The following CALD1 variants were observed in gnomAD, a reference collection of about 807,000 sequenced individuals.
CALD1 encodes the protein caldesmon 1, also known as caldesmon.
A neutral mutation model predicts 99.9 loss-of-function variants in CALD1; 33 were observed. That is an observed-to-expected ratio of 0.33 (90% CI 0.25 to 0.44). The LOEUF is 0.44. Among genes scored for constraint, CALD1 ranks in the 20% least tolerant of loss-of-function variants. The pLI is 1.00. For missense variants in CALD1, 861 were observed against 962.1 expected (o/e 0.89, Z 1.39); for synonymous variants, 310 against 325.0 (o/e 0.95, Z 0.50).
intron 13 of CALD1, among the ~76,000 whole-genome samples, chr7:134,963,948 C>T: frequency 6.6e-6 from 1 of 152,208 alleles, no homozygotes; most frequent in East Asian, 1.9e-4. Context: ...CCTGTAATCC[C>T]AGCACTTTGA....
At chr7:134,855,441 G>A (rs1431082627) in intron 2 of CALD1, among the ~76,000 whole-genome samples, 3 of 152,194 alleles carry the variant, frequency 2.0e-5, no homozygotes. Context: ...TTTACAAGAG[G>A]TGCAATCCCA....
intron 2 of CALD1, among the ~76,000 whole-genome samples, chr7:134,854,307 GAACT>G (rs1294082961): frequency 6.6e-6 from 1 of 152,150 alleles, no homozygotes; most frequent in African/African-American, 2.4e-5. Context: ...CACAATGGTT[GAACT>G]AACTTACACT....
intron 12 of CALD1, 36 bp downstream of exon 12, chr7:134,960,147 G>C: frequency 6.2e-7 from 1 of 1,607,810 alleles, no homozygotes; most frequent in Non-Finnish European, 8.5e-7. Flanking sequence ...AGTGTAGAGG[G>C]GCATATTTTT....
the CALD1 span, among the ~76,000 whole-genome samples, chr7:134,736,740 C>G: frequency 6.6e-6 from 1 of 152,170 alleles, no homozygotes; most frequent in Non-Finnish European, 1.5e-5. Flanking sequence ...TATTCAGTTT[C>G]ACTATGCATC....
At chr7:134,777,476 G>A (rs1303084849), upstream of CALD1, among the ~76,000 whole-genome samples, 3 of 152,138 alleles carry the variant, frequency 2.0e-5, no homozygotes, top group Non-Finnish European at 4.4e-5. Flanking sequence ...CGTGTTTCCT[G>A]TTGATAATAT....
In CALD1 at chr7:134,799,727, C is replaced by A. The variant is rs186197657; in HGVS notation, c.-130+19978C>A. ...TGGTATATAAAGAGACCCTGCTTCACAACGTGAAAAAATGTACCGTTTGAC... is the reference window on the plus strand; with the variant it reads ...TGGTATATAAAGAGACCCTGCTTCAAAACGTGAAAAAATGTACCGTTTGAC... On this transcript the variant is annotated intron_variant, in intron 1 of 14. Transcript: ENST00000361675. 2.7e-4 allele frequency among the ~76,000 whole-genome samples: 41 copies of A among 152,238 alleles called. No individual in the cohort carries two copies. In the East Asian group the frequency reaches 6.0e-3, roughly 22 times the overall value.
intron 14 of CALD1, among the ~76,000 whole-genome samples, 172 bp from the exon 15 acceptor site, chr7:134,968,168 A>G (rs1455580670): frequency 6.6e-6 from 1 of 152,094 alleles, no homozygotes; most frequent in Non-Finnish European, 1.5e-5. Flanking sequence ...AAGTAAAATA[A>G]AAGATCATAT....
the CALD1 span, among the ~76,000 whole-genome samples, chr7:134,734,406 C>T: frequency 6.6e-6 from 1 of 152,098 alleles, no homozygotes; most frequent in Non-Finnish European, 1.5e-5. Flanking sequence ...TCACAGCATG[C>T]CATGTGAAGA....
intron 3 of CALD1, among the ~76,000 whole-genome samples, chr7:134,869,759 T>C (rs553222626): frequency 6.6e-6 from 1 of 152,308 alleles, no homozygotes; most frequent in South Asian, 2.1e-4. Context: ...GAGAAATTAT[T>C]ATTAGAGTAA....
chr7:134,884,101 T>TC (rs1474551777), intron 3 of CALD1, among the ~76,000 whole-genome samples: 1 of 108,432 alleles, frequency 9.2e-6, no homozygotes, highest in East Asian at 5.2e-4. Context: ...AAACTCTGTC[T>TC]CAAAAAAGAA....
chr7:134,881,547 A>G (rs1427034676), intron 3 of CALD1, among the ~76,000 whole-genome samples: 1 of 152,120 alleles, frequency 6.6e-6, no homozygotes, highest in East Asian at 1.9e-4. Context: ...GGTAATGCGC[A>G]TGACGTACGT....
At chr7:134,795,128 A>G (rs1007884155) in intron 1 of CALD1, among the ~76,000 whole-genome samples, 2 of 151,986 alleles carry the variant, frequency 1.3e-5, no homozygotes, top group East Asian at 3.8e-4. Context: ...TTTGACCACA[A>G]TTTTCTTTCT....
At chr7:134,862,875 C>T (rs897043420) in intron 2 of CALD1, among the ~76,000 whole-genome samples, 2 of 152,186 alleles carry the variant, frequency 1.3e-5, no homozygotes, top group East Asian at 3.8e-4. Context: ...CCCACTGTTA[C>T]GGAGAGTTGA....
At chr7:134,932,571 T>A (rs565891007) in intron 4 of CALD1, among the ~76,000 whole-genome samples, 214 of 152,180 alleles carry the variant, frequency 1.4e-3, no homozygotes, top group Non-Finnish European at 2.6e-3. Context: ...GGCCACCAAA[T>A]AAACGTTGCA....
intron 3 of CALD1, among the ~76,000 whole-genome samples, chr7:134,926,211 C>T (rs1805005235): frequency 6.6e-6 from 1 of 152,176 alleles, no homozygotes; most frequent in Non-Finnish European, 1.5e-5. Flanking sequence ...TGCTTTGCCA[C>T]AACATATCTA....
chr7:134,947,267 C>T (rs1436952465), intron 7 of CALD1, among the ~76,000 whole-genome samples: 1 of 152,154 alleles, frequency 6.6e-6, no homozygotes, highest in Admixed American at 6.5e-5. Context: ...ACTTTACAAT[C>T]CCATTTTACA....
At chr7:134,911,377 G>A (rs1803802137) in intron 3 of CALD1, among the ~76,000 whole-genome samples, 1 of 152,046 alleles carries the variant, frequency 6.6e-6, no homozygotes, top group South Asian at 2.1e-4. Context: ...ACTTCCAACA[G>A]AGTGTATGTG....
intron 2 of CALD1, among the ~76,000 whole-genome samples, chr7:134,845,931 T>A (rs989121211): frequency 6.6e-6 from 1 of 152,236 alleles, no homozygotes; most frequent in African/African-American, 2.4e-5. Flanking sequence ...TTGGACCTAT[T>A]TTGTTCCTTC....
In CALD1 at chr7:134,934,021, G is replaced by T. The variant is rs769398416; in HGVS notation, c.1252G>T (p.Val418Leu). 6.2e-7 allele frequency: 1 copy of T among 1,613,116 alleles called. No homozygotes were observed. Among genetic ancestry groups the T allele is most frequent in the Admixed American group, 1.7e-5 (1 of 59,804 alleles). The stretch of plus-strand genomic sequence containing the variant: ...AGAACAGAAAATAGAAGGGAAATGG[G>T]TAAATGAAAAGAAAGCACAAGAAGA... ...KVEQKIEGKW[V>L]NEKKAQEDKL... Residue 418 changes from valine (V) to leucine (L), a missense_variant, in exon 5 of 15, where the codon GTA becomes TTA. Transcript: ENST00000361675.
Sources: allele counts gnomAD v4.1 joint callset (sites outside exome capture counted in the v4.1 genomes callset), GRCh38; gene constraint gnomAD v4.1.1; transcripts MANE v1.5; gene names NCBI Gene and HGNC (gene_info 2026-07-23, HGNC 2026-07-21).